Variants in PLCL2 observed in about 807,000 individuals in gnomAD.
The protein encoded by PLCL2 is phospholipase C like 2.
PLCL2 carries 4 observed loss-of-function variants against 79.6 expected under a neutral mutation model. The observed-to-expected ratio is 0.05, with a 90% CI of 0.02 to 0.11. The LOEUF (loss-of-function observed/expected upper bound fraction) is 0.11, where lower values mean the gene tolerates loss of function less well. PLCL2 is among the 10% of genes least tolerant of loss of function. The probability of loss-of-function intolerance (pLI) is 1.00; values close to 1 mark genes in which losing one functional copy is unlikely to be tolerated. For synonymous variants in PLCL2, 484 were observed against 457.7 expected (o/e 1.06, Z -0.73); for missense variants, 895 against 1,291.0 (o/e 0.69, Z 4.70).
At chr3:16,981,175 T>C (rs897366703) in intron 1 of PLCL2, among the ~76,000 whole-genome samples, 1 of 121,214 alleles carries the variant, frequency 8.2e-6, no homozygotes, top group Admixed American at 8.1e-5. Context: ...GAGAGGCAAA[T>C]CACTTTCAAC....
At chr3:16,953,177 A>G (rs1210962242) in intron 1 of PLCL2, among the ~76,000 whole-genome samples, 2 of 152,190 alleles carry the variant, frequency 1.3e-5, no homozygotes, top group Non-Finnish European at 2.9e-5. Context: ...GCAAAACACT[A>G]TGCATAGTAT....
chr3:17,080,791 G>A (rs1168556853), intron 5 of PLCL2, among the ~76,000 whole-genome samples: 1 of 152,222 alleles, frequency 6.6e-6, no homozygotes, highest in African/African-American at 2.4e-5. Flanking sequence ...CAAACACACA[G>A]TGGAAATCCA....
chr3:17,000,936 T>C (rs939965197), intron 1 of PLCL2, among the ~76,000 whole-genome samples: 1 of 152,156 alleles, frequency 6.6e-6, no homozygotes, highest in African/African-American at 2.4e-5. Flanking sequence ...TGGATATATA[T>C]CCAGCAGAGG....
intron 1 of PLCL2, among the ~76,000 whole-genome samples, chr3:16,985,061 A>G (rs566059393): frequency 4.7e-4 from 71 of 152,300 alleles, no homozygotes; most frequent in African/African-American, 1.6e-3. Flanking sequence ...TTCTGGGCAT[A>G]GGATTGTTAT....
rs568962772 is a variant in PLCL2, at chr3:16,928,158, T to C, written c.327+42792T>C. Among the ~76,000 whole-genome samples the C allele has an allele frequency of 2.6e-5, 4 of 152,244 alleles. 1 individual carries two copies. In the South Asian group the frequency reaches 6.2e-4, roughly 24 times the overall value. ...CCTATGTTAGGCACTGGGGAGGCAATGGTGATACACAGGATAGGCAGATGG... is the reference window on the plus strand; with the variant it reads ...CCTATGTTAGGCACTGGGGAGGCAACGGTGATACACAGGATAGGCAGATGG... On this transcript the variant is annotated intron_variant, in intron 1 of 5. Coordinates refer to ENST00000615277, the MANE Select transcript of PLCL2 (RefSeq NM_001144382.2).
chr3:16,976,880 C>A (rs1335899777), intron 1 of PLCL2, among the ~76,000 whole-genome samples: 1 of 152,180 alleles, frequency 6.6e-6, no homozygotes, highest in African/African-American at 2.4e-5. Context: ...TTCTTAAAGG[C>A]TGCTATCATT....
intron 1 of PLCL2, among the ~76,000 whole-genome samples, chr3:16,963,684 G>T (rs2124972029): frequency 6.6e-6 from 1 of 152,208 alleles, no homozygotes; most frequent in South Asian, 2.1e-4. Flanking sequence ...TGATTATAAT[G>T]CTTACACTTA....
chr3:16,997,785 G>A (rs1387554418), intron 1 of PLCL2, among the ~76,000 whole-genome samples: 7 of 151,848 alleles, frequency 4.6e-5, no homozygotes, highest in African/African-American at 1.2e-4. Context: ...TGATCCACCT[G>A]CCTCGGCCTC....
chr3:16,955,958 A>G (rs1235131980), intron 1 of PLCL2, among the ~76,000 whole-genome samples: 3 of 152,188 alleles, frequency 2.0e-5, no homozygotes, highest in Non-Finnish European at 2.9e-5. Context: ...GAGATATACA[A>G]TCATGTCATC....
At chr3:16,965,682 C>T (rs1269192708) in intron 1 of PLCL2, among the ~76,000 whole-genome samples, 3 of 152,050 alleles carry the variant, frequency 2.0e-5, no homozygotes, top group Non-Finnish European at 2.9e-5. Flanking sequence ...TTGTTTGTAT[C>T]CTCTTTTATT....
chr3:16,988,718 T>G (rs1484769502), intron 1 of PLCL2, among the ~76,000 whole-genome samples: 1 of 152,146 alleles, frequency 6.6e-6, no homozygotes, highest in Non-Finnish European at 1.5e-5. Context: ...GCAAGCTGAT[T>G]TGTATCAACT....
intron 5 of PLCL2, among the ~76,000 whole-genome samples, chr3:17,071,434 T>A (rs1159578150): frequency 6.6e-6 from 1 of 152,172 alleles, no homozygotes; most frequent in Non-Finnish European, 1.5e-5. Flanking sequence ...CATACTTACT[T>A]CCAGTCATTT....
intron 5 of PLCL2, among the ~76,000 whole-genome samples, chr3:17,078,394 G>C (rs984345265): frequency 6.6e-6 from 1 of 151,924 alleles, no homozygotes; most frequent in Non-Finnish European, 1.5e-5. Context: ...AGCTTGGCCT[G>C]GAACATCGAA....
At position 17,090,181 on chromosome 3, in the gene PLCL2, A is replaced by AATCTATGTATTGTTTCC; in HGVS notation, c.*270_*271insTCTATGTATTGTTTCCA. ...TTCTAACTCAGTTCCAGTATGAAGA[A>AATCTATGTATTGTTTCC]AGATTATTCACTCTAGCTCCACTGA... is the stretch of plus-strand genomic sequence containing the variant. On this transcript the variant is annotated 3_prime_UTR_variant, in exon 6 of 6. Transcript: ENST00000615277. 9.0e-7 allele frequency: 1 copy of AATCTATGTATTGTTTCC among 1,115,504 alleles called. No homozygotes were observed. The highest frequency in any genetic ancestry group is 1.1e-6 in the Non-Finnish European group (1 of 913,044). 69.1% of individuals were successfully genotyped at this position (1,115,504 alleles called of 1,614,324 possible).
At chr3:17,029,314 A>G (rs996263293) in intron 3 of PLCL2, among the ~76,000 whole-genome samples, 3 of 151,224 alleles carry the variant, frequency 2.0e-5, no homozygotes, top group Non-Finnish European at 4.4e-5. Flanking sequence ...CCTATCTGCA[A>G]TTCCCTCCTT....
chr3:17,030,634 G>A lies in PLCL2; in HGVS notation c.3019-12240G>A, dbSNP rs1216238574. On this transcript the variant is annotated intron_variant, in intron 3 of 5. Coordinates refer to ENST00000615277, the MANE Select transcript of PLCL2 (RefSeq NM_001144382.2). ...TTATGTGGTCAACATCAGGAAGAACGCCACACCTGGGTTTATACAGTAAAT... is the reference window on the plus strand; with the variant it reads ...TTATGTGGTCAACATCAGGAAGAACACCACACCTGGGTTTATACAGTAAAT... 6.6e-5 allele frequency among the ~76,000 whole-genome samples: 10 copies of A among 152,154 alleles called. No individual in the cohort carries two copies. In the East Asian group the frequency reaches 1.3e-3, roughly 21 times the overall value.
At chr3:16,998,432 GTGCTGAATA>G (rs1328650664) in intron 1 of PLCL2, among the ~76,000 whole-genome samples, 1 of 152,176 alleles carries the variant, frequency 6.6e-6, no homozygotes, top group Admixed American at 6.5e-5. Flanking sequence ...GCTCTGTAAT[GTGCTGAATA>G]TGAAACTACA....
At chr3:17,074,632 G>A (rs980125059) in intron 5 of PLCL2, among the ~76,000 whole-genome samples, 1 of 152,230 alleles carries the variant, frequency 6.6e-6, no homozygotes, top group African/African-American at 2.4e-5. Context: ...CATCTACATT[G>A]AAAATCTGTT....
chr3:17,027,076 C>A (rs1006111495), intron 3 of PLCL2, among the ~76,000 whole-genome samples: 1 of 152,132 alleles, frequency 6.6e-6, no homozygotes, highest in Non-Finnish European at 1.5e-5. Context: ...TTTTGTCCAA[C>A]ATATATCGTA....
Sources: allele counts gnomAD v4.1 joint callset (sites outside exome capture counted in the v4.1 genomes callset), GRCh38; gene constraint gnomAD v4.1.1; transcripts MANE v1.5; gene names NCBI Gene and HGNC (gene_info 2026-07-23, HGNC 2026-07-21).